The following KHDRBS2 variants were observed in gnomAD, a reference collection of about 807,000 sequenced individuals.
KHDRBS2 encodes the protein KH domain-containing, RNA-binding, signal transduction-associated protein 2.
Under a neutral mutation model 44.3 loss-of-function variants are expected in KHDRBS2, and 26 were observed. The observed-to-expected ratio is 0.59, with a 90% CI of 0.43 to 0.81. The LOEUF is 0.81. KHDRBS2 is among the 40% of genes least tolerant of loss of function. The pLI is 0.00. For missense variants in KHDRBS2, 476 were observed against 433.1 expected, an observed-to-expected ratio of 1.10 and a Z score of -0.88; for synonymous variants, 194 against 151.1, an observed-to-expected ratio of 1.28 and a Z score of -2.08.
At chr6:62,243,211 T>A (rs1231175998) in intron 1 of KHDRBS2, among the ~76,000 whole-genome samples, 1 of 152,134 alleles carries the variant, frequency 6.6e-6, no homozygotes, top group African/African-American at 2.4e-5. Flanking sequence ...TCTATGTATG[T>A]ATGTATCTAT....
At chr6:61,945,150 T>TATATACACAC (rs371595813) in intron 4 of KHDRBS2, among the ~76,000 whole-genome samples, 3,624 of 86,828 alleles carry the variant, frequency 0.042, 395 homozygotes, top group Non-Finnish European at 0.048. Flanking sequence ...TATATATATA[T>TATATACACAC]ACACACAGAC....
At chr6:61,669,236 C>T in the KHDRBS2 span, among the ~76,000 whole-genome samples, 1 of 150,900 alleles carries the variant, frequency 6.6e-6, no homozygotes, top group Non-Finnish European at 1.5e-5. Context: ...ACAGTCTTGA[C>T]AGGTAGTATG....
At chr6:61,641,486 A>G in the KHDRBS2 span, among the ~76,000 whole-genome samples, 1 of 152,114 alleles carries the variant, frequency 6.6e-6, no homozygotes, top group Non-Finnish European at 1.5e-5. Flanking sequence ...CTATTAAAGC[A>G]TCTCTTTTTA....
rs753460680 is a variant in KHDRBS2 at position 61,694,982 on chromosome 6, C to G, written c.952+2213G>C. On this transcript the variant is annotated intron_variant, in intron 8 of 8. Coordinates refer to ENST00000281156, the MANE Select transcript of KHDRBS2 (RefSeq NM_152688.4). ...AAACTTAGATTTGGGAGAGAGTAAGCCTGGTGCTCATTTTGGATTAATTAT... is the reference window on the plus strand; with the variant it reads ...AAACTTAGATTTGGGAGAGAGTAAGGCTGGTGCTCATTTTGGATTAATTAT... Among the ~76,000 whole-genome samples, 64 of 151,954 alleles carry G rather than the reference C, an allele frequency of 4.2e-4. 1 individual carries two copies. Among genetic ancestry groups the G allele is most frequent in the Non-Finnish European group, 2.2e-4 (15 of 68,000 alleles).
At chr6:61,596,987 CAAAGTAGAAA>C in the KHDRBS2 span, among the ~76,000 whole-genome samples, 1 of 152,076 alleles carries the variant, frequency 6.6e-6, no homozygotes, top group Non-Finnish European at 1.5e-5. Flanking sequence ...TTAGGTGAAA[CAAAGTAGAAA>C]TTTATATCTC....
intron 2 of KHDRBS2, among the ~76,000 whole-genome samples, chr6:62,062,924 C>T (rs1792380615): frequency 6.7e-6 from 1 of 148,942 alleles, no homozygotes; most frequent in Non-Finnish European, 1.5e-5. Context: ...CAAATAGACG[C>T]AATAAAAAAT....
chr6:62,021,144 G>A lies in KHDRBS2; in HGVS notation c.336+26734C>T, dbSNP rs544120777. ...CGACAAGAACAGAAATCCAAATACC[G>A]CCTATTCCCACTTATTATTAAATCC... On this transcript the variant is annotated intron_variant, in intron 3 of 8. Coordinates refer to ENST00000281156, the MANE Select transcript of KHDRBS2 (RefSeq NM_152688.4). 1.8e-4 allele frequency among the ~76,000 whole-genome samples: 27 copies of A among 151,954 alleles called. 1 individual carries two copies. Among genetic ancestry groups the A allele is most frequent in the Middle Eastern group, 3.4e-3 (1 of 294 alleles).
At chr6:61,690,270 G>A (rs990191139) in intron 8 of KHDRBS2, among the ~76,000 whole-genome samples, 2 of 151,508 alleles carry the variant, frequency 1.3e-5, no homozygotes, top group African/African-American at 2.4e-5. Flanking sequence ...TCTGTACTTT[G>A]TGCTTTATAA....
chr6:61,985,363 A>G (rs1774852357), intron 3 of KHDRBS2, among the ~76,000 whole-genome samples: 1 of 152,150 alleles, frequency 6.6e-6, no homozygotes, highest in Admixed American at 6.6e-5. Flanking sequence ...TCAAATATCA[A>G]CCTTTTCTGT....
chr6:62,103,611 C>T (rs1159376754), intron 2 of KHDRBS2, among the ~76,000 whole-genome samples: 1 of 142,504 alleles, frequency 7.0e-6, no homozygotes, highest in African/African-American at 2.6e-5. Context: ...GCAGAAGCAG[C>T]TGCGCCCAGG....
intron 6 of KHDRBS2, among the ~76,000 whole-genome samples, chr6:61,799,504 T>C (rs1785920089): frequency 6.6e-6 from 1 of 152,018 alleles, no homozygotes; most frequent in African/African-American, 2.4e-5. Flanking sequence ...GAGTTTCTAA[T>C]AGAAATCAAA....
the KHDRBS2 span, among the ~76,000 whole-genome samples, chr6:61,596,219 T>C: frequency 2.6e-5 from 4 of 152,164 alleles, no homozygotes; most frequent in East Asian, 5.8e-4. Context: ...CCTTACAGCT[T>C]CAGCTTATGG....
intron 1 of KHDRBS2, among the ~76,000 whole-genome samples, chr6:62,216,690 TCTC>T (rs1302696042): frequency 2.0e-5 from 2 of 101,056 alleles, no homozygotes; most frequent in Non-Finnish European, 3.9e-5. Flanking sequence ...CATATTTCTT[TCTC>T]CTCTTTTTTT....
At chr6:61,757,408 T>C (rs1582639939) in intron 6 of KHDRBS2, among the ~76,000 whole-genome samples, 1 of 152,280 alleles carries the variant, frequency 6.6e-6, no homozygotes, top group South Asian at 2.1e-4. Context: ...ACTTTTTGAT[T>C]GGTGTTAGAA....
At position 62,151,260 on chromosome 6, in the gene KHDRBS2, T is replaced by C. The variant is rs78307773; in HGVS notation, c.219+25925A>G. ...AACTTGCCCCTGATTAAGTGGCCAA[T>C]AGATAGTTGCTGATAGTTGCTCTCC... On this transcript the variant is annotated intron_variant, in intron 2 of 8. Transcript: ENST00000281156. Among the ~76,000 whole-genome samples, 1,092 of 152,282 alleles carry C rather than the reference T, an allele frequency of 7.2e-3. 42 individuals are homozygous for C. The highest frequency in any genetic ancestry group is 0.063 in the Admixed American group (969 of 15,284).
the KHDRBS2 span, among the ~76,000 whole-genome samples, chr6:61,660,455 T>G: frequency 6.6e-6 from 1 of 151,736 alleles, no homozygotes; most frequent in African/African-American, 2.4e-5. Flanking sequence ...AAGAAAAAAT[T>G]CCTGAAATAT....
the KHDRBS2 span, among the ~76,000 whole-genome samples, chr6:61,574,759 A>G: frequency 6.6e-6 from 1 of 152,134 alleles, no homozygotes; most frequent in African/African-American, 2.4e-5. Context: ...AAATACAAAA[A>G]TTAGCTGGGT....
rs543133597 is a variant in KHDRBS2 at position 62,128,277 on chromosome 6, T to C, written c.219+48908A>G. On this transcript the variant is annotated intron_variant, in intron 2 of 8. Transcript: ENST00000281156. ...TCATTTTCCCACTGTAAAATGGGGA[T>C]ATAATCAGTGGCTACCTTATAAGGT... Among the ~76,000 whole-genome samples, 12 of 152,190 alleles carry C rather than the reference T, an allele frequency of 7.9e-5. No individual in the cohort carries two copies. The East Asian group carries it at 2.3e-3, about 29-fold the overall frequency.
At chr6:61,929,952 A>C (rs564879575) in intron 4 of KHDRBS2, among the ~76,000 whole-genome samples, 1 of 152,196 alleles carries the variant, frequency 6.6e-6, no homozygotes, top group African/African-American at 2.4e-5. Context: ...TGCCTGCCAA[A>C]ATTCATATGT....
Sources: gnomAD v4.1 joint callset for allele counts (sites outside exome capture counted in the v4.1 genomes callset) on GRCh38, gnomAD v4.1.1 for gene constraint, MANE v1.5 for transcripts, NCBI Gene and HGNC (gene_info 2026-07-23, HGNC 2026-07-21) for gene names.